Variants in RNF19A observed in about 807,000 individuals in gnomAD.
The protein encoded by RNF19A is E3 ubiquitin-protein ligase RNF19A.
Under a neutral mutation model 75.7 loss-of-function variants are expected in RNF19A, and 32 were observed. The ratio of observed to expected loss-of-function variants is 0.42; its 90% CI spans 0.32 to 0.57. RNF19A has a LOEUF of 0.57. RNF19A is among the 20% of genes least tolerant of loss of function. The pLI is 0.10. For synonymous variants in RNF19A, 335 were observed against 345.2 expected, an observed-to-expected ratio of 0.97 and a Z score of 0.33; for missense variants, 782 against 1,036.3, an observed-to-expected ratio of 0.75 and a Z score of 3.37.
chr8:100,258,643 T>C lies in RNF19A; in HGVS notation c.2430A>G (p.Leu810=). ...TTTCTTTTAGTGCATCGCCAAAATATAAATCAACATTAGGTTTTATTCCAT... is the reference window on the plus strand; with the variant it reads ...TTTCTTTTAGTGCATCGCCAAAATACAAATCAACATTAGGTTTTATTCCAT... ...GNNGIKPNVD[L]YFGDALKETN... The change falls in exon 10 of 10, where the codon TTA becomes TTG. Residue 810 remains leucine, a synonymous_variant. Coordinates refer to ENST00000341084, the MANE Select transcript of RNF19A (RefSeq NM_183419.4). This position sits in a 1 kb window ranked among gnomAD's most constrained non-coding sequence, Gnocchi z 4.3. 6.2e-7 allele frequency: 1 copy of C among 1,614,138 alleles called. No individual in the cohort carries two copies. Among genetic ancestry groups the C allele is most frequent in the Non-Finnish European group, 8.5e-7 (1 of 1,179,986 alleles).
Position 100,324,823 on chromosome 8 carries a change from TCC to T in RNF19A, c.-243+11283_-243+11284del, listed in dbSNP as rs758828836. 0.013 allele frequency among the ~76,000 whole-genome samples: 1,910 copies of T among 152,000 alleles called. 22 individuals are homozygous for T. Among genetic ancestry groups the T allele is most frequent in the Non-Finnish European group, 0.018 (1,239 of 67,936 alleles). Reference sequence around the variant, plus strand: ...TTCTCTTTCTTCTTCCTTCCTTCCTTCCTTCCTCCTTCTTCCTCCCTCCCTCC... The same window carrying T: ...TTCTCTTTCTTCTTCCTTCCTTCCTTTTCCTCCTTCTTCCTCCCTCCCTCC... On this transcript the variant is annotated intron_variant, in intron 1 of 3. Transcript: ENST00000519527. The surrounding 1 kb of genome is among the most constrained non-coding windows in gnomAD (Gnocchi z 4.2).
rs191061898 is a variant in RNF19A, at chr8:100,333,158, G to C, written c.-243+2950C>G. Among the ~76,000 whole-genome samples the C allele has an allele frequency of 3.9e-5, 6 of 152,234 alleles. No individual in the cohort carries two copies. Among genetic ancestry groups the C allele is most frequent in the African/African-American group, 1.4e-4 (6 of 41,534 alleles). The stretch of plus-strand genomic sequence containing the variant: ...ATGGGAGTGGGTTTGTCACAAAAGT[G>C]TGTTTGGTCCTGTCTTGCTCTTCCT... On this transcript the variant is annotated intron_variant, in intron 1 of 3. Coordinates refer to the RNF19A transcript ENST00000519527. This position sits in a 1 kb window ranked among gnomAD's most constrained non-coding sequence, Gnocchi z 4.7.
Position 100,295,749 on chromosome 8 carries a change from G to A in RNF19A, c.-93-7482C>T, listed in dbSNP as rs142604505. Among the ~76,000 whole-genome samples the A allele has an allele frequency of 1.9e-3, 284 of 152,174 alleles. 1 individual carries two copies. Among genetic ancestry groups the A allele is most frequent in the African/African-American group, 6.3e-3 (261 of 41,522 alleles). Reference sequence around the variant, plus strand: ...CTTAAAGTGATCTACTAGAAATGATGTATTTCTACCCAAGCTAATTTTGGC... The same window carrying A: ...CTTAAAGTGATCTACTAGAAATGATATATTTCTACCCAAGCTAATTTTGGC... On this transcript the variant is annotated intron_variant, in intron 1 of 9. Transcript: ENST00000341084.
intron 1 of RNF19A, among the ~76,000 whole-genome samples, chr8:100,298,939 T>A (rs906256635): frequency 2.0e-5 from 3 of 152,190 alleles, no homozygotes; most frequent in African/African-American, 7.2e-5. Context: ...TATGATCAAG[T>A]GCCCAGAGAC....
In RNF19A at chr8:100,331,912, A is replaced by G. The variant is rs1822618011; in HGVS notation, c.-243+4196T>C. On this transcript the variant is annotated intron_variant, in intron 1 of 3. Coordinates refer to the RNF19A transcript ENST00000519527. This position sits in a 1 kb window ranked among gnomAD's most constrained non-coding sequence, Gnocchi z 5.2. ...CAAGAATATATCTTGGAGAATTACTATTAATATATCAGTACCTACAAACTC... is the reference window on the plus strand; with the variant it reads ...CAAGAATATATCTTGGAGAATTACTGTTAATATATCAGTACCTACAAACTC... Among the ~76,000 whole-genome samples, 1 of 152,206 alleles carries G rather than the reference A, an allele frequency of 6.6e-6. No individual in the cohort carries two copies. The highest frequency in any genetic ancestry group is 2.1e-4 in the South Asian group (1 of 4,830).
intron 1 of RNF19A, among the ~76,000 whole-genome samples, chr8:100,334,901 G>C (rs1019511571): frequency 6.6e-6 from 1 of 152,166 alleles, no homozygotes; most frequent in South Asian, 2.1e-4. Flanking sequence ...TGCTCTGAAG[G>C]TTGCCTTTCA....
chr8:100,279,450 T>C (rs1820679492), intron 2 of RNF19A, among the ~76,000 whole-genome samples: 1 of 152,196 alleles, frequency 6.6e-6, no homozygotes, highest in Non-Finnish European at 1.5e-5. Context: ...CTCGGCTTGC[T>C]GCAACCTCCA....
In RNF19A at chr8:100,317,976, C is replaced by G. The variant is rs1344638699; in HGVS notation, c.-242-4604G>C. Among the ~76,000 whole-genome samples, 1 of 152,060 alleles carries G rather than the reference C, an allele frequency of 6.6e-6. No individual in the cohort carries two copies. The highest frequency in any genetic ancestry group is 1.5e-5 in the Non-Finnish European group (1 of 67,982). ...TGACATTTTTGCCCCTGGATAGGGC[C>G]TAGAACACCCCCTCCCCACCCTCTC... On this transcript the variant is annotated intron_variant, in intron 1 of 3. Coordinates refer to the RNF19A transcript ENST00000519527. This position sits in a 1 kb window ranked among gnomAD's most constrained non-coding sequence, Gnocchi z 4.3.
In RNF19A at chr8:100,332,293, C is replaced by A. The variant is rs957209742; in HGVS notation, c.-243+3815G>T. Among the ~76,000 whole-genome samples the A allele has an allele frequency of 6.6e-6, 1 of 151,832 alleles. No homozygotes were observed. Among genetic ancestry groups the A allele is most frequent in the African/African-American group, 2.4e-5 (1 of 41,248 alleles). ...GTGATTGGGTCATGGTGGTAATTTCCCCCATGTTGTTCTCATGATAGTGAG... is the reference window on the plus strand; with the variant it reads ...GTGATTGGGTCATGGTGGTAATTTCACCCATGTTGTTCTCATGATAGTGAG... On this transcript the variant is annotated intron_variant, in intron 1 of 3. Coordinates refer to the RNF19A transcript ENST00000519527. This position sits in a 1 kb window ranked among gnomAD's most constrained non-coding sequence, Gnocchi z 4.8.
At chr8:100,271,519 G>A (rs1820254576) in intron 3 of RNF19A, among the ~76,000 whole-genome samples, 2 of 152,156 alleles carry the variant, frequency 1.3e-5, no homozygotes, top group South Asian at 2.1e-4. Flanking sequence ...CAAGACAGGG[G>A]AGTAAAAAGA....
chr8:100,285,905 G>T (rs981940600), intron 2 of RNF19A, among the ~76,000 whole-genome samples: 1 of 152,152 alleles, frequency 6.6e-6, no homozygotes, highest in African/African-American at 2.4e-5. Flanking sequence ...TTCTGTAGAT[G>T]AAACATAACA....
chr8:100,263,800 T>A (rs1819839047), intron 7 of RNF19A, among the ~76,000 whole-genome samples: 1 of 152,212 alleles, frequency 6.6e-6, no homozygotes, highest in African/African-American at 2.4e-5. Flanking sequence ...ATGAAAAGTT[T>A]ATGATTTCTA....
rs964821436 is a variant in RNF19A, at chr8:100,317,103, C to T, written c.-242-3731G>A. Among the ~76,000 whole-genome samples the T allele has an allele frequency of 6.1e-4, 68 of 112,236 alleles. 1 individual carries two copies. Among genetic ancestry groups the T allele is most frequent in the Middle Eastern group, 4.9e-3 (1 of 206 alleles). The allele number at this position is 112,236 out of a possible 152,430, so 73.6% of individuals were successfully genotyped here. On this transcript the variant is annotated intron_variant, in intron 1 of 3. Transcript: ENST00000519527. This position sits in a 1 kb window ranked among gnomAD's most constrained non-coding sequence, Gnocchi z 4.3. ...TGCCAAGCCCACGCCCACGCCCACCCGGAACTCCAGCTGGCCCGCAAGCGC... is the reference window on the plus strand; with the variant it reads ...TGCCAAGCCCACGCCCACGCCCACCTGGAACTCCAGCTGGCCCGCAAGCGC...
rs997224632 is a variant in RNF19A, at chr8:100,331,977, C to T, written c.-243+4131G>A. On this transcript the variant is annotated intron_variant, in intron 1 of 3. Coordinates refer to the RNF19A transcript ENST00000519527. This position sits in a 1 kb window ranked among gnomAD's most constrained non-coding sequence, Gnocchi z 5.2. Reference sequence around the variant, plus strand: ...AATGGCTGCATGATATTTAACTTTACAGATACACCATATATTAACTAAATA... The same window carrying T: ...AATGGCTGCATGATATTTAACTTTATAGATACACCATATATTAACTAAATA... Among the ~76,000 whole-genome samples, 1 of 152,178 alleles carries T rather than the reference C, an allele frequency of 6.6e-6. No individual in the cohort carries two copies. The highest frequency in any genetic ancestry group is 1.5e-5 in the Non-Finnish European group (1 of 68,032).
chr8:100,322,374 T>G lies in RNF19A; in HGVS notation c.-242-9002A>C, dbSNP rs931603575. ...TCCTTATACCTCATGATCCAACCTC[T>G]GCTAGCTTCAAACTTTTCTTCTGAA... On this transcript the variant is annotated intron_variant, in intron 1 of 3. Coordinates refer to the RNF19A transcript ENST00000519527. This position sits in a 1 kb window ranked among gnomAD's most constrained non-coding sequence, Gnocchi z 5.1. 2.0e-5 allele frequency among the ~76,000 whole-genome samples: 3 copies of G among 152,270 alleles called. No homozygotes were observed. The highest frequency in any genetic ancestry group is 4.4e-5 in the Non-Finnish European group (3 of 68,050).
At chr8:100,326,665 T>TG (rs777332608) in intron 1 of RNF19A, among the ~76,000 whole-genome samples, 19 of 152,214 alleles carry the variant, frequency 1.2e-4, no homozygotes, top group Non-Finnish European at 2.4e-4. Context: ...AGTTTCTCTA[T>TG]CTTATTTCCT....
At chr8:100,335,595 T>A (rs1822669061) in intron 1 of RNF19A, among the ~76,000 whole-genome samples, 1 of 152,272 alleles carries the variant, frequency 6.6e-6, no homozygotes, top group Non-Finnish European at 1.5e-5. Context: ...TACACATCAC[T>A]GCTTCCTTAA....
intron 1 of RNF19A, among the ~76,000 whole-genome samples, chr8:100,299,154 G>A (rs945293500): frequency 5.3e-5 from 8 of 152,174 alleles, no homozygotes; most frequent in Admixed American, 5.2e-4. Context: ...GTTTACCTAT[G>A]TTTTTGAATT....
chr8:100,328,588 C>T (rs1211657636), intron 1 of RNF19A, among the ~76,000 whole-genome samples: 1 of 152,038 alleles, frequency 6.6e-6, no homozygotes, highest in East Asian at 1.9e-4. Flanking sequence ...TCTCTTGCCT[C>T]AGCTCCCTGT....
Sources: gnomAD v4.1 joint callset for allele counts (sites outside exome capture counted in the v4.1 genomes callset) on GRCh38, gnomAD v4.1.1 for gene constraint, Gnocchi (gnomAD v3.1) non-coding constraint, MANE v1.5 for transcripts, NCBI Gene and HGNC (gene_info 2026-07-23, HGNC 2026-07-21) for gene names.